The following LCORL variants were observed in gnomAD, a reference collection of about 807,000 sequenced individuals.
LCORL encodes ligand dependent nuclear receptor corepressor like, also known as ligand-dependent nuclear receptor corepressor-like protein.
Under a neutral mutation model 141.8 loss-of-function variants are expected in LCORL, and 41 were observed. The observed-to-expected ratio is 0.29, with a 90% CI of 0.23 to 0.38. The LOEUF is 0.38. Ranked by LOEUF, LCORL falls within the 10% of genes least tolerant of loss-of-function variation. The pLI is 1.00. For missense variants in LCORL, 1,759 were observed against 2,035.0 expected (o/e 0.86, Z 2.61); for synonymous variants, 618 against 694.1 (o/e 0.89, Z 1.72).
intron 4 of LCORL, among the ~76,000 whole-genome samples, chr4:17,919,325 G>C (rs1337445563): frequency 2.0e-5 from 3 of 152,120 alleles, no homozygotes; most frequent in Non-Finnish European, 2.9e-5. Flanking sequence ...GATATTTAGA[G>C]AGAAATTAAT....
intron 1 of LCORL, among the ~76,000 whole-genome samples, chr4:17,984,478 C>G (rs1011765233): frequency 6.6e-6 from 1 of 152,058 alleles, no homozygotes; most frequent in Non-Finnish European, 1.5e-5. Context: ...GAATCAATTT[C>G]TTCCTGGTTC....
chr4:17,930,818 CAT>C lies in LCORL; in HGVS notation c.431-21475_431-21474del, dbSNP rs577747354. ...ATACACACACAGTGTGTGACTGTCA[CAT>C]GATTTTTATCTAGATTAATACCATA... On this transcript the variant is annotated intron_variant, in intron 4 of 7. Coordinates refer to ENST00000635767, the Ensembl canonical transcript of LCORL. 3.3e-5 allele frequency among the ~76,000 whole-genome samples: 5 copies of C among 152,304 alleles called. No homozygotes were observed. In the South Asian group the frequency reaches 1.0e-3, roughly 32 times the overall value.
At chr4:17,912,267 T>C in intron 4 of LCORL, 1 of 697,802 alleles carries the variant, frequency 1.4e-6, no homozygotes, top group Non-Finnish European at 2.7e-6. Context: ...AGGTCACTGA[T>C]GAAACCAATG....
chr4:17,983,478 C>T (rs548316053), intron 1 of LCORL, among the ~76,000 whole-genome samples: 2 of 152,212 alleles, frequency 1.3e-5, no homozygotes, highest in East Asian at 3.9e-4. Flanking sequence ...AGAGATGTTT[C>T]ACCTCCCTGT....
chr4:17,967,859 T>C (rs1715212426), intron 2 of LCORL, among the ~76,000 whole-genome samples: 1 of 152,076 alleles, frequency 6.6e-6, no homozygotes, highest in South Asian at 2.1e-4. Context: ...TTTTTTTCTT[T>C]TCTTTTCTTT....
rs375321355 is a variant in LCORL, at chr4:17,997,897, G to T, written c.154+23701C>A. On this transcript the variant is annotated intron_variant, in intron 1 of 7. Transcript: ENST00000635767. Reference sequence around the variant, plus strand: ...AAACAAAATACTCTTGCAAATTGAAGAAATAATATTCAAGTATAAATTAAG... The same window carrying T: ...AAACAAAATACTCTTGCAAATTGAATAAATAATATTCAAGTATAAATTAAG... 1.1e-4 allele frequency among the ~76,000 whole-genome samples: 17 copies of T among 152,204 alleles called. No homozygotes were observed. In the East Asian group the frequency reaches 3.3e-3, roughly 29 times the overall value.
chr4:17,922,389 G>C (rs1734439316), intron 4 of LCORL, among the ~76,000 whole-genome samples: 1 of 152,150 alleles, frequency 6.6e-6, no homozygotes, highest in African/African-American at 2.4e-5. Context: ...TGATACTCCT[G>C]ATTCACTGCT....
chr4:17,881,760 A>G, intron 6 of LCORL: 1 of 971,664 alleles, frequency 1.0e-6, no homozygotes, highest in Non-Finnish European at 1.2e-6. Flanking sequence ...ATGCATTCAA[A>G]GCCCCCAAAG....
intron 4 of LCORL, among the ~76,000 whole-genome samples, chr4:17,936,637 T>TA (rs1332907784): frequency 3.9e-5 from 6 of 152,216 alleles, no homozygotes; most frequent in African/African-American, 1.4e-4. Flanking sequence ...GAATTTTCAA[T>TA]AGCAAGGAAT....
intron 2 of LCORL, among the ~76,000 whole-genome samples, chr4:17,971,188 T>C (rs1332673604): frequency 6.6e-6 from 1 of 152,076 alleles, no homozygotes; most frequent in African/African-American, 2.4e-5. Context: ...ACCATAACTA[T>C]CCATAATCCA....
intron 4 of LCORL, among the ~76,000 whole-genome samples, chr4:17,939,899 T>C (rs1472026783): frequency 3.6e-5 from 4 of 111,938 alleles, no homozygotes; most frequent in African/African-American, 1.8e-4. Flanking sequence ...CACACATATA[T>C]GTATATATAC....
chr4:17,953,771 T>C (rs890618438), intron 4 of LCORL, among the ~76,000 whole-genome samples: 10 of 152,250 alleles, frequency 6.6e-5, no homozygotes, highest in African/African-American at 1.9e-4. Flanking sequence ...TTCTAGGTGC[T>C]AGGGATATAA....
rs745576661 is a variant in LCORL at position 18,021,698 on chromosome 4, GGCGGCGGCAGCAGCGGCGGCGGCA to G, written c.30_53del (p.Ala15_Ala22del). On this transcript the variant is annotated inframe_deletion, in exon 1 of 8. Coordinates refer to ENST00000635767, the Ensembl canonical transcript of LCORL. This position sits in a 1 kb window ranked among gnomAD's most constrained non-coding sequence, Gnocchi z 5.5. ...GGCTCCGGCACTGAGCGGCGGCGGC[GGCGGCGGCAGCAGCGGCGGCGGCA>G]GCGGCCATTCTCTCTCTTCCCTTGT... 2.1e-4 allele frequency: 324 copies of G among 1,530,614 alleles called. 1 individual carries two copies. The highest frequency in any genetic ancestry group is 2.6e-4 in the Non-Finnish European group (292 of 1,139,718). The allele number at this position is 1,530,614 out of a possible 1,614,324, so 94.8% of individuals were successfully genotyped here. A position where few individuals can be genotyped will look rare whatever the true frequency, so the allele number is the denominator to read the frequency against.
intron 1 of LCORL, among the ~76,000 whole-genome samples, chr4:18,006,806 CA>C (rs1722891504): frequency 6.6e-6 from 1 of 152,114 alleles, no homozygotes; most frequent in African/African-American, 2.4e-5. Context: ...AGTTACAATT[CA>C]AGATGAGATT....
intron 1 of LCORL, among the ~76,000 whole-genome samples, chr4:18,016,909 C>A (rs977601386): frequency 6.6e-6 from 1 of 152,022 alleles, no homozygotes. Context: ...GCTTCTGTAT[C>A]ATAAAAATCA....
chr4:18,016,911 T>C (rs1034008281), intron 1 of LCORL, among the ~76,000 whole-genome samples: 1 of 152,126 alleles, frequency 6.6e-6, no homozygotes, highest in African/African-American at 2.4e-5. Flanking sequence ...TTCTGTATCA[T>C]AAAAATCAGG....
In LCORL at chr4:17,980,896, C is replaced by G. The variant is rs373178565; in HGVS notation, c.155-8011G>C. 2.0e-5 allele frequency among the ~76,000 whole-genome samples: 3 copies of G among 152,080 alleles called. No individual in the cohort carries two copies. The East Asian group carries it at 5.8e-4, about 29-fold the overall frequency. ...GTATACTCCTTATGAGAATCTAATG[C>G]CTAACGATCTGAGGGGGAACAGGTT... On this transcript the variant is annotated intron_variant, in intron 1 of 7. Coordinates refer to ENST00000635767, the Ensembl canonical transcript of LCORL.
intron 2 of LCORL, among the ~76,000 whole-genome samples, chr4:17,968,485 T>C (rs1715347394): frequency 6.6e-6 from 1 of 152,202 alleles, no homozygotes. Context: ...AAATATTTCA[T>C]TAAACAAATG....
intron 5 of LCORL, among the ~76,000 whole-genome samples, chr4:17,894,221 T>C (rs1420336129): frequency 6.6e-6 from 1 of 152,222 alleles, no homozygotes; most frequent in African/African-American, 2.4e-5. Context: ...ACACCCATTG[T>C]AATGTTGAAA....
Sources: allele counts gnomAD v4.1 joint callset (sites outside exome capture counted in the v4.1 genomes callset), GRCh38; gene constraint gnomAD v4.1.1; non-coding constraint Gnocchi (gnomAD v3.1); transcripts MANE v1.5; gene names NCBI Gene and HGNC (gene_info 2026-07-23, HGNC 2026-07-21).